SLC5A9: variants seen among roughly 807,000 people sequenced by gnomAD.
SLC5A9 encodes the protein sodium/glucose cotransporter 4.
A neutral mutation model predicts 70.9 loss-of-function variants in SLC5A9; 59 were observed. The observed-to-expected ratio is 0.83, with a 90% CI of 0.68 to 1.03. The LOEUF (loss-of-function observed/expected upper bound fraction) is 1.03. SLC5A9 is among the 50% of genes least tolerant of loss of function. SLC5A9 has a pLI of 0.00. For synonymous variants in SLC5A9, 340 were observed against 346.5 expected, an observed-to-expected ratio of 0.98 and a Z score of 0.21; for missense variants, 832 against 881.1, an observed-to-expected ratio of 0.94 and a Z score of 0.71.
At position 48,239,497 on chromosome 1, in the gene SLC5A9, T is replaced by C; in HGVS notation, c.1637T>C (p.Val546Ala). The C allele has an allele frequency of 6.2e-7, 1 of 1,614,190 alleles. No homozygotes were observed. The highest frequency in any genetic ancestry group is 8.5e-7 in the Non-Finnish European group (1 of 1,180,038). Residue 546 changes from valine to alanine, a missense_variant, in exon 12 of 14, where the codon GTC becomes GCC. Physicochemically the swap from Val to Ala is moderately conservative, Grantham distance 64 (BLOSUM62 0). Transcript: ENST00000438567. This position sits in a 1 kb window ranked among gnomAD's most constrained non-coding sequence, Gnocchi z 4.2. ...LLCGLTAIVI[V>A]IVSLCTTPIP... Reference sequence around the variant, plus strand: ...TGCGGGCTCACTGCCATCGTCATTGTCATTGTCAGCCTCTGTACAACTCCC... The same window carrying C: ...TGCGGGCTCACTGCCATCGTCATTGCCATTGTCAGCCTCTGTACAACTCCC...
At chr1:48,234,110 G>A (rs533093246) in intron 9 of SLC5A9, among the ~76,000 whole-genome samples, 1 of 152,340 alleles carries the variant, frequency 6.6e-6, no homozygotes, top group Non-Finnish European at 1.5e-5. Flanking sequence ...GCTGGAGGAT[G>A]TCTGGAATGT....
chr1:48,237,037 T>G (rs1423614631), intron 10 of SLC5A9, among the ~76,000 whole-genome samples: 1 of 152,166 alleles, frequency 6.6e-6, no homozygotes, highest in Non-Finnish European at 1.5e-5. Flanking sequence ...GTGAGGTTTG[T>G]GCTCTATCTA....
At chr1:48,230,849 A>T in intron 5 of SLC5A9, 144 bp downstream of exon 5, 1 of 643,626 alleles carries the variant, frequency 1.6e-6, no homozygotes, top group Non-Finnish European at 2.7e-6. Context: ...AGGCAGAGAC[A>T]AAGAGAGGCT....
chr1:48,244,378 C>T (rs1644425741), intron 13 of SLC5A9, among the ~76,000 whole-genome samples: 1 of 152,150 alleles, frequency 6.6e-6, no homozygotes, highest in African/African-American at 2.4e-5. Flanking sequence ...ATACTTTCCT[C>T]CAGACCTGAG....
intron 9 of SLC5A9, 65 bp downstream of exon 9, chr1:48,233,827 C>T: frequency 8.3e-7 from 1 of 1,200,334 alleles, no homozygotes. Context: ...CTCCACTGCC[C>T]AGGAGGGAAG....
At chr1:48,231,465 G>T (rs1557471979) in intron 5 of SLC5A9, 80 bp from the exon 6 acceptor site, 2 of 1,554,226 alleles carry the variant, frequency 1.3e-6, no homozygotes, top group Non-Finnish European at 1.8e-6. Context: ...GGTCTCCCCA[G>T]TGTGGCCATG....
At chr1:48,244,878 G>GTGTGTATGTATATATATATA (rs1391896495) in intron 13 of SLC5A9, among the ~76,000 whole-genome samples, 1 of 29,418 alleles carries the variant, frequency 3.4e-5, no homozygotes, top group Non-Finnish European at 7.7e-5. Flanking sequence ...ATGTGTATGT[G>GTGTGTATGTATATATATATA]TATATATATA....
At position 48,241,740 on chromosome 1, in the gene SLC5A9, TTCTC is replaced by T. The variant is rs1452717145; in HGVS notation, c.1678-713_1678-710del. Among the ~76,000 whole-genome samples, 5 of 151,654 alleles carry T rather than the reference TTCTC, an allele frequency of 3.3e-5. No homozygotes were observed. In the East Asian group the frequency reaches 5.8e-4, roughly 18 times the overall value. ...TCTCTCTCTCTCTTTCTCTATCTCT[TTCTC>T]TCTATCTCTATCCCTTCTTTCACCA... On this transcript the variant is annotated intron_variant, in intron 12 of 13. Transcript: ENST00000438567.
chr1:48,228,997 A>T, intron 3 of SLC5A9, 43 bp downstream of exon 3: 1 of 1,613,274 alleles, frequency 6.2e-7, no homozygotes, highest in Non-Finnish European at 8.5e-7. Context: ...TGAGGGTCTA[A>T]CCCACCTCTG....
chr1:48,241,826 A>C (rs1264923103), intron 12 of SLC5A9: 1 of 426,752 alleles, frequency 2.3e-6, no homozygotes, highest in Non-Finnish European at 4.7e-6. Context: ...GCACCACTAC[A>C]TGTCTGGTCA....
At position 48,229,435 on chromosome 1, in the gene SLC5A9, C is replaced by A. The variant is rs1465931120; in HGVS notation, c.480C>A (p.Ile160=). The A allele has an allele frequency of 4.3e-6, 7 of 1,614,086 alleles. No individual in the cohort carries two copies. The East Asian group carries it at 6.7e-5, about 15-fold the overall frequency. ...TGTACATGTCTGTCCTGTCTCTCAT[C>A]CTCTACATCTTCACCAAGATCTCGG... is the stretch of plus-strand genomic sequence containing the variant. ...IQVYMSVLSL[I]LYIFTKISTD... is the part of the protein sequence containing the mutation. Residue 160 remains isoleucine, a synonymous_variant, in exon 4 of 14, where the codon ATC becomes ATA. Transcript: ENST00000438567.
intron 12 of SLC5A9, among the ~76,000 whole-genome samples, chr1:48,241,577 G>A (rs915719912): frequency 2.0e-5 from 3 of 150,678 alleles, no homozygotes; most frequent in African/African-American, 7.5e-5. Flanking sequence ...CACCAAAAAG[G>A]AGAAGAGAGA....
rs774147025 is a variant in SLC5A9, at chr1:48,228,951, G to A, written c.336G>A (p.Trp112Ter). Residue 112 changes from tryptophan (W) to a stop codon, truncating the protein, a stop_gained, in exon 3 of 14, where the codon TGG (tryptophan) becomes TGA (stop). Transcript: ENST00000438567. LOFTEE classifies it high-confidence loss of function. The part of the protein sequence containing the change: ...AGGLAVGGFE[W>*]NATWLLLALG... Reference sequence around the variant, plus strand: ...GCCTTGCCGTAGGTGGCTTCGAGTGGAACGTAAGGAAGCTGGCCTGGTTTC... The same window carrying A: ...GCCTTGCCGTAGGTGGCTTCGAGTGAAACGTAAGGAAGCTGGCCTGGTTTC... 6.2e-7 allele frequency: 1 copy of A among 1,613,210 alleles called. No homozygotes were observed. The highest frequency in any genetic ancestry group is 1.7e-5 in the Admixed American group (1 of 60,030).
chr1:48,244,034 T>G (rs898957391), intron 13 of SLC5A9, among the ~76,000 whole-genome samples: 1 of 152,242 alleles, frequency 6.6e-6, no homozygotes, highest in Non-Finnish European at 1.5e-5. Context: ...ATATTCGGCT[T>G]TTAAACACAA....
intron 2 of SLC5A9, among the ~76,000 whole-genome samples, chr1:48,227,285 ATGTG>A (rs1644169870): frequency 3.1e-5 from 1 of 31,756 alleles, no homozygotes; most frequent in African/African-American, 1.2e-4. Flanking sequence ...GTGTGTGTGT[ATGTG>A]TGAGAGTGTG....
At chr1:48,223,008 A>C in intron 1 of SLC5A9, 110 bp downstream of exon 1, 1 of 1,167,952 alleles carries the variant, frequency 8.6e-7, no homozygotes, top group East Asian at 2.5e-5. Flanking sequence ...AGATCATAGA[A>C]CCATGTGGCT....
intron 2 of SLC5A9, among the ~76,000 whole-genome samples, chr1:48,227,440 G>GTGTGTA (rs1176561380): frequency 5.2e-5 from 7 of 135,536 alleles, no homozygotes; most frequent in Non-Finnish European, 1.2e-4. Flanking sequence ...GAGTGTGTGT[G>GTGTGTA]TGTGTATGTG....
chr1:48,231,443 T>C (rs1644245616), intron 5 of SLC5A9, 102 bp from the exon 6 acceptor site: 5 of 1,404,666 alleles, frequency 3.6e-6, no homozygotes, highest in African/African-American at 2.8e-5. Context: ...AAGAGGGCTG[T>C]GTGTCTTCTC....
At chr1:48,227,459 T>G (rs533073533) in intron 2 of SLC5A9, among the ~76,000 whole-genome samples, 5 of 137,272 alleles carry the variant, frequency 3.6e-5, no homozygotes, top group South Asian at 2.4e-4. Flanking sequence ...TGTGAGAGAG[T>G]GTGTGTACTG....
Sources: allele counts gnomAD v4.1 joint callset (sites outside exome capture counted in the v4.1 genomes callset), GRCh38; gene constraint gnomAD v4.1.1; non-coding constraint Gnocchi (gnomAD v3.1); transcripts MANE v1.5; gene names NCBI Gene and HGNC (gene_info 2026-07-23, HGNC 2026-07-21).